The following SAMM50 variants were observed in gnomAD, a reference collection of about 807,000 sequenced individuals.
SAMM50 encodes SAMM50 sorting and assembly machinery component.
In SAMM50, 47 loss-of-function variants were observed where a neutral mutation model predicts 66.9. The observed-to-expected ratio is 0.70, with a 90% CI of 0.56 to 0.90. SAMM50 has a LOEUF of 0.90. SAMM50 is among the 40% of genes least tolerant of loss of function. The pLI is 0.00. For synonymous variants in SAMM50, 191 were observed against 214.1 expected, an observed-to-expected ratio of 0.89 and a Z score of 0.94; for missense variants, 535 against 595.3, an observed-to-expected ratio of 0.90 and a Z score of 1.05.
intron 14 of SAMM50, among the ~76,000 whole-genome samples, chr22:43,990,820 G>T (rs2050320587): frequency 6.6e-6 from 1 of 152,184 alleles, no homozygotes; most frequent in South Asian, 2.1e-4. Context: ...ACGATCTTGA[G>T]AACCCCTCTC....
In SAMM50 at chr22:43,955,691, G is replaced by T. The variant is rs114861732; in HGVS notation, c.21+93G>T. The stretch of plus-strand genomic sequence containing the variant: ...AGACGCTCTCGTGGCTGCGCCCAGG[G>T]TTCACCGGGAGAGAGGGTGCCAAGG... On this transcript the variant is annotated intron_variant, in intron 1 of 14. Transcript: ENST00000350028. 2,860 of 1,388,602 alleles carry T rather than the reference G, an allele frequency of 2.1e-3. 56 individuals carry two copies. The African/African-American group carries it at 0.037, about 18-fold the overall frequency. The allele number at this position is 1,388,602 out of a possible 1,614,324, so 86.0% of individuals were successfully genotyped here. A position where few individuals can be genotyped will look rare whatever the true frequency, so the allele number is the denominator to read the frequency against.
chr22:43,977,627 C>T (rs1276065313), intron 9 of SAMM50, among the ~76,000 whole-genome samples: 3 of 152,232 alleles, frequency 2.0e-5, no homozygotes, highest in East Asian at 1.9e-4. Flanking sequence ...ACTCAGGCTG[C>T]CAGTGCTCCC....
intron 2 of SAMM50, among the ~76,000 whole-genome samples, chr22:43,963,866 G>A (rs951343480): frequency 6.6e-6 from 1 of 150,412 alleles, no homozygotes; most frequent in Non-Finnish European, 1.5e-5. Context: ...AAATCCCTGC[G>A]GGGTCTTTAG....
At chr22:43,994,080 T>A (rs903260436) in intron 14 of SAMM50, among the ~76,000 whole-genome samples, 1 of 152,086 alleles carries the variant, frequency 6.6e-6, no homozygotes, top group Non-Finnish European at 1.5e-5. Context: ...TCTTGGTTGT[T>A]GGGGAGGGTG....
chr22:43,988,992 T>A, intron 12 of SAMM50, 119 bp from the exon 13 acceptor site: 1 of 940,306 alleles, frequency 1.1e-6, no homozygotes, highest in East Asian at 2.4e-5. Flanking sequence ...GCTTGCAAAC[T>A]CCAGCACTGT....
At chr22:43,969,402 C>T (rs2050192256) in intron 4 of SAMM50, among the ~76,000 whole-genome samples, 1 of 152,226 alleles carries the variant, frequency 6.6e-6, no homozygotes, top group South Asian at 2.1e-4. Context: ...CAGCCCTGTG[C>T]AGGCCCCAGA....
At chr22:43,977,699 G>C (rs2073088) in intron 9 of SAMM50, among the ~76,000 whole-genome samples, 173 bp from the exon 10 acceptor site, 2 of 152,058 alleles carry the variant, frequency 1.3e-5, no homozygotes, top group Non-Finnish European at 2.9e-5. Context: ...ATCCCAGTCC[G>C]TCCACTGTTG....
chr22:43,960,926 T>C (rs1437336088), intron 1 of SAMM50, among the ~76,000 whole-genome samples: 1 of 152,160 alleles, frequency 6.6e-6, no homozygotes, highest in Non-Finnish European at 1.5e-5. Context: ...AAAGCCTGAA[T>C]GTGCGGGTGG....
At chr22:43,967,171 C>T (rs1246879482) in intron 3 of SAMM50, among the ~76,000 whole-genome samples, 13 of 152,200 alleles carry the variant, frequency 8.5e-5, no homozygotes, top group South Asian at 4.1e-4. Flanking sequence ...CATCCACATC[C>T]CAGGTTTCAG....
At chr22:43,968,226 C>CAAAAA (rs66961907) in intron 3 of SAMM50, among the ~76,000 whole-genome samples, 38 of 68,600 alleles carry the variant, frequency 5.5e-4, no homozygotes, top group Non-Finnish European at 6.6e-4. Context: ...AACTCTGTCT[C>CAAAAA]AAAAAAAAAA....
chr22:43,962,010 G>T (rs926594206), intron 1 of SAMM50, among the ~76,000 whole-genome samples: 2 of 152,110 alleles, frequency 1.3e-5, no homozygotes, highest in Non-Finnish European at 2.9e-5. Flanking sequence ...CTGTGTGTGT[G>T]TGTGTATGTG....
chr22:43,960,469 C>A (rs2064361), intron 1 of SAMM50, among the ~76,000 whole-genome samples: 2 of 152,064 alleles, frequency 1.3e-5, no homozygotes, highest in African/African-American at 2.4e-5. Context: ...TGGTTCACGC[C>A]TGTAATCCCA....
At chr22:43,958,464 C>T (rs2050130794) in intron 1 of SAMM50, among the ~76,000 whole-genome samples, 1 of 143,868 alleles carries the variant, frequency 7.0e-6, no homozygotes. Context: ...AAGTATCTGC[C>T]TTTATGGAGC....
chr22:43,959,146 G>A (rs1015962264), intron 1 of SAMM50, among the ~76,000 whole-genome samples: 1 of 151,544 alleles, frequency 6.6e-6, no homozygotes, highest in African/African-American at 2.4e-5. Flanking sequence ...AGCCCCCTGA[G>A]TGGCTGGGAT....
chr22:43,996,221 C>A, intron 14 of SAMM50, 117 bp from the exon 15 acceptor site: 2 of 1,108,078 alleles, frequency 1.8e-6, no homozygotes, highest in Non-Finnish European at 2.8e-6. Context: ...GGCAGGAAGG[C>A]AGCAGGAGGA....
chr22:43,965,496 C>T (rs2050168448), intron 3 of SAMM50, among the ~76,000 whole-genome samples: 1 of 152,110 alleles, frequency 6.6e-6, no homozygotes, highest in African/African-American at 2.4e-5. Flanking sequence ...CCATGAGCCA[C>T]CGTGCCTGCC....
chr22:43,961,830 A>T (rs1303599501), intron 1 of SAMM50, among the ~76,000 whole-genome samples: 1 of 152,004 alleles, frequency 6.6e-6, no homozygotes, highest in African/African-American at 2.4e-5. Flanking sequence ...CAATCCTCCC[A>T]TCTGGGCCTC....
intron 12 of SAMM50, chr22:43,988,711 C>T (rs1235575276): frequency 6.2e-6 from 1 of 160,378 alleles, no homozygotes; most frequent in Non-Finnish European, 1.4e-5. Context: ...TGCATTTTGT[C>T]TCTATTGCGC....
intron 12 of SAMM50, among the ~76,000 whole-genome samples, chr22:43,984,371 G>A (rs980966723): frequency 6.6e-6 from 1 of 152,124 alleles, no homozygotes; most frequent in African/African-American, 2.4e-5. Context: ...GGAGTGCAAT[G>A]GCGCGATCTC....
Sources: allele counts gnomAD v4.1 joint callset (sites outside exome capture counted in the v4.1 genomes callset), GRCh38; gene constraint gnomAD v4.1.1; transcripts MANE v1.5; gene names NCBI Gene and HGNC (gene_info 2026-07-23, HGNC 2026-07-21).